Variants in KANSL1 observed in about 807,000 individuals in gnomAD.
KANSL1 encodes the protein MLL1/MLL complex subunit KANSL1.
Under a neutral mutation model 103.6 loss-of-function variants are expected in KANSL1, and 22 were observed. The observed-to-expected ratio is 0.21, with a 90% CI of 0.15 to 0.30. The LOEUF (loss-of-function observed/expected upper bound fraction) is 0.30, where lower values mean the gene tolerates loss of function less well. KANSL1 is among the 10% of genes least tolerant of loss of function. KANSL1 has a pLI of 1.00. For missense variants in KANSL1, 1,337 were observed against 1,399.8 expected, an observed-to-expected ratio of 0.96 and a Z score of 0.72; for synonymous variants, 600 against 527.6, an observed-to-expected ratio of 1.14 and a Z score of -1.88.
At chr17:46,145,457 T>TG (rs1340539496) in intron 2 of KANSL1, among the ~76,000 whole-genome samples, 1 of 152,240 alleles carries the variant, frequency 6.6e-6, no homozygotes, top group Non-Finnish European at 1.5e-5. Context: ...TCAAGAATTT[T>TG]GGAAAAAAAG....
chr17:46,099,333 A>AC lies in KANSL1; in HGVS notation c.1290-4633_1290-4632insG, dbSNP rs575841848. ...AGCGAGACTCCGTCTCAAAAAAAAA[A>AC]AAAACAAAACAAAAAAAAAACAAAT... On this transcript the variant is annotated intron_variant, in intron 2 of 14. Coordinates refer to ENST00000432791, the MANE Select transcript of KANSL1 (RefSeq NM_015443.4). Among the ~76,000 whole-genome samples, 149 of 112,786 alleles carry AC rather than the reference A, an allele frequency of 1.3e-3. 19 individuals carry two copies. The highest frequency in any genetic ancestry group is 2.4e-3 in the Admixed American group (25 of 10,424). 74.0% of individuals were successfully genotyped at this position (112,786 alleles called of 152,430 possible). A position where few individuals can be genotyped will look rare whatever the true frequency, so the allele number is the denominator to read the frequency against.
intron 4 of KANSL1, among the ~76,000 whole-genome samples, chr17:46,075,370 G>A (rs113482054): frequency 6.6e-6 from 1 of 151,940 alleles, no homozygotes; most frequent in Non-Finnish European, 1.5e-5. Flanking sequence ...ACACAATCTC[G>A]CTGTTGACCA....
At chr17:46,091,049 T>C (rs1792523038) in intron 3 of KANSL1, among the ~76,000 whole-genome samples, 1 of 152,238 alleles carries the variant, frequency 6.6e-6, no homozygotes, top group Admixed American at 6.5e-5. Flanking sequence ...GTCCTTCTGT[T>C]GGCACTGTCA....
intron 6 of KANSL1, 38 bp from the exon 7 acceptor site, chr17:46,050,742 C>A (rs1276037162): frequency 1.9e-6 from 3 of 1,584,336 alleles, no homozygotes; most frequent in South Asian, 2.3e-5. Flanking sequence ...AATTCAGCAT[C>A]TGATAAAAAG....
chr17:46,044,342 A>G (rs752628514), intron 7 of KANSL1: 4 of 152,220 alleles, frequency 2.6e-5, no homozygotes, highest in Non-Finnish European at 4.4e-5. Context: ...TGACTTCAGG[A>G]TGACTAGGGT....
intron 1 of KANSL1, among the ~76,000 whole-genome samples, chr17:46,173,943 T>C (rs2046402284): frequency 1.3e-5 from 2 of 152,254 alleles, no homozygotes; most frequent in Non-Finnish European, 2.9e-5. Context: ...AACTAGAGCT[T>C]TGTTCATGGA....
chr17:46,097,885 T>C (rs1191562230), intron 2 of KANSL1, among the ~76,000 whole-genome samples: 1 of 149,640 alleles, frequency 6.7e-6, no homozygotes, highest in Admixed American at 6.6e-5. Flanking sequence ...CATACCATAA[T>C]AATTAAGACC....
intron 2 of KANSL1, among the ~76,000 whole-genome samples, chr17:46,160,558 T>C (rs186218626): frequency 1.5e-3 from 234 of 152,276 alleles, no homozygotes; most frequent in African/African-American, 5.5e-3. Flanking sequence ...CCTCCCCAAG[T>C]GCTGGAATTA....
chr17:46,085,349 G>T (rs913846037), intron 3 of KANSL1, among the ~76,000 whole-genome samples: 3 of 152,174 alleles, frequency 2.0e-5, no homozygotes, highest in African/African-American at 7.2e-5. Flanking sequence ...AATGTCCCGG[G>T]TTAATGAGTT....
At chr17:46,093,166 GTC>G (rs2079480764) in intron 3 of KANSL1, 1 of 152,198 alleles carries the variant, frequency 6.6e-6, no homozygotes, top group African/African-American at 2.4e-5. Flanking sequence ...CTGAAGAGGT[GTC>G]TCTGATAGAG....
intron 1 of KANSL1, among the ~76,000 whole-genome samples, chr17:46,202,636 C>A (rs1451205711): frequency 6.6e-6 from 1 of 152,120 alleles, no homozygotes; most frequent in Non-Finnish European, 1.5e-5. Context: ...ATAAAAGAGA[C>A]CATAAGTTAC....
intron 2 of KANSL1, among the ~76,000 whole-genome samples, chr17:46,113,119 G>T (rs1481029569): frequency 1.3e-5 from 2 of 152,200 alleles, no homozygotes; most frequent in Non-Finnish European, 2.9e-5. Flanking sequence ...TGTCACAACT[G>T]GGGGTGGGGG....
intron 1 of KANSL1, among the ~76,000 whole-genome samples, chr17:46,187,720 C>T (rs917754177): frequency 4.6e-5 from 7 of 152,340 alleles, no homozygotes; most frequent in Admixed American, 3.3e-4. Context: ...AACTATTTTG[C>T]CGCATTGTGC....
At chr17:46,125,058 GGAGGGAGGGA>G (rs2043472598) in intron 2 of KANSL1, among the ~76,000 whole-genome samples, 5 of 46,852 alleles carry the variant, frequency 1.1e-4, no homozygotes, top group Non-Finnish European at 2.4e-4. Context: ...GAGGGAGGGA[GGAGGGAGGGA>G]GGAGGGAGGG....
At chr17:46,063,630 A>G (rs191783346) in intron 6 of KANSL1, among the ~76,000 whole-genome samples, 1 of 152,364 alleles carries the variant, frequency 6.6e-6, no homozygotes, top group Admixed American at 6.5e-5. Flanking sequence ...ATTCTGTTTT[A>G]GAAAGTGGCA....
At chr17:46,143,366 C>T (rs1256761344) in intron 2 of KANSL1, among the ~76,000 whole-genome samples, 2 of 152,102 alleles carry the variant, frequency 1.3e-5, no homozygotes, top group Admixed American at 6.5e-5. Context: ...TGGTGGCAGG[C>T]GCCTATAATC....
At chr17:46,065,616 C>A (rs975767613) in intron 6 of KANSL1, among the ~76,000 whole-genome samples, 1 of 152,094 alleles carries the variant, frequency 6.6e-6, no homozygotes, top group Admixed American at 6.5e-5. Flanking sequence ...TTAACATGCA[C>A]CAAATTACCA....
chr17:46,035,907 C>T (rs2077132646), intron 10 of KANSL1: 1 of 151,924 alleles, frequency 6.6e-6, no homozygotes. Flanking sequence ...GTTAGCTACT[C>T]ATTAGGTCTA....
intron 2 of KANSL1, among the ~76,000 whole-genome samples, chr17:46,164,631 G>A (rs2045906635): frequency 6.6e-6 from 1 of 152,228 alleles, no homozygotes; most frequent in Admixed American, 6.5e-5. Context: ...AAGAACCAAA[G>A]CTTTAAGTCA....
Sources: allele counts gnomAD v4.1 joint callset (sites outside exome capture counted in the v4.1 genomes callset), GRCh38; gene constraint gnomAD v4.1.1; transcripts MANE v1.5; gene names NCBI Gene and HGNC (gene_info 2026-07-23, HGNC 2026-07-21).